Variants in C1orf185 observed in about 807,000 individuals in gnomAD.
C1orf185 encodes chromosome 1 open reading frame 185.
In C1orf185, 13 loss-of-function variants were observed where a neutral mutation model predicts 16.1. The ratio of observed to expected loss-of-function variants is 0.81; its 90% CI spans 0.53 to 1.28. The LOEUF (loss-of-function observed/expected upper bound fraction) is 1.28. Among genes scored for constraint, C1orf185 ranks in the 50% most tolerant of loss-of-function variants. The pLI is 0.00. For synonymous variants in C1orf185, 80 were observed against 76.9 expected (o/e 1.04, Z -0.21); for missense variants, 220 against 225.2 (o/e 0.98, Z 0.15).
intron 1 of C1orf185, among the ~76,000 whole-genome samples, chr1:51,106,782 A>G (rs111517573): frequency 0.036 from 5,289 of 148,308 alleles, 150 homozygotes; most frequent in African/African-American, 0.072. Flanking sequence ...TTTTTGAGAC[A>G]GAGTCTTGCT....
intron 3 of C1orf185, 63 bp from the exon 4 acceptor site, chr1:51,145,661 T>A: frequency 1.1e-6 from 1 of 921,094 alleles, no homozygotes; most frequent in Non-Finnish European, 1.6e-6. Context: ...ATATAAAATA[T>A]ATGAAAGAAG....
At chr1:51,133,903 G>A (rs1458402437) in intron 3 of C1orf185, among the ~76,000 whole-genome samples, 1 of 152,162 alleles carries the variant, frequency 6.6e-6, no homozygotes, top group Non-Finnish European at 1.5e-5. Flanking sequence ...CCAACAGGGT[G>A]AAACCCTGTC....
intron 3 of C1orf185, among the ~76,000 whole-genome samples, chr1:51,140,066 T>C (rs982446940): frequency 2.6e-5 from 4 of 152,220 alleles, no homozygotes; most frequent in Admixed American, 6.5e-5. Flanking sequence ...AAAAAAAGTA[T>C]AATTAGCTCA....
intron 1 of C1orf185, among the ~76,000 whole-genome samples, chr1:51,106,087 G>A (rs912194700): frequency 1.3e-5 from 2 of 152,112 alleles, no homozygotes; most frequent in African/African-American, 4.8e-5. Context: ...AGGAAAGGTA[G>A]GAGGGCAGAG....
intron 1 of C1orf185, among the ~76,000 whole-genome samples, chr1:51,108,208 G>C (rs1179746147): frequency 2.0e-5 from 3 of 151,926 alleles, no homozygotes; most frequent in Admixed American, 1.3e-4. Context: ...TCTCATTGTG[G>C]TTTAATTTTC....
chr1:51,136,859 A>G (rs190936745), intron 3 of C1orf185, among the ~76,000 whole-genome samples: 222 of 152,374 alleles, frequency 1.5e-3, no homozygotes, highest in Admixed American at 4.4e-3. Flanking sequence ...CAAAGATTTC[A>G]TGATGAAGAC....
chr1:51,144,182 C>CT (rs1646384226), intron 3 of C1orf185, among the ~76,000 whole-genome samples: 1 of 152,120 alleles, frequency 6.6e-6, no homozygotes, highest in Non-Finnish European at 1.5e-5. Context: ...TCAACATTAC[C>CT]TAGGCGAGCC....
intron 2 of C1orf185, among the ~76,000 whole-genome samples, chr1:51,115,896 T>C (rs900431065): frequency 2.6e-4 from 40 of 152,120 alleles, no homozygotes; most frequent in Non-Finnish European, 1.9e-4. Context: ...TGTTGACAGA[T>C]TGGATGAAAA....
chr1:51,123,740 C>A (rs1032318970), intron 3 of C1orf185, among the ~76,000 whole-genome samples: 1 of 152,062 alleles, frequency 6.6e-6, no homozygotes, highest in Non-Finnish European at 1.5e-5. Context: ...TTTTAATTTG[C>A]AATTCCCTAG....
chr1:51,142,679 A>G (rs1295328316), intron 3 of C1orf185, among the ~76,000 whole-genome samples: 2 of 152,200 alleles, frequency 1.3e-5, no homozygotes, highest in Non-Finnish European at 2.9e-5. Context: ...TTATTAGTAT[A>G]AAGTTGTTCA....
At chr1:51,109,748 T>A (rs1023382454) in intron 1 of C1orf185, among the ~76,000 whole-genome samples, 1 of 152,176 alleles carries the variant, frequency 6.6e-6, no homozygotes, top group Non-Finnish European at 1.5e-5. Context: ...CACTGGCCTA[T>A]GTTTCTGTTT....
chr1:51,126,723 T>C (rs1026593216), intron 3 of C1orf185, among the ~76,000 whole-genome samples: 1 of 152,246 alleles, frequency 6.6e-6, no homozygotes, highest in Non-Finnish European at 1.5e-5. Flanking sequence ...TAAGTTACCA[T>C]AGTATATTTG....
intron 2 of C1orf185, among the ~76,000 whole-genome samples, chr1:51,116,070 C>T (rs930120662): frequency 6.6e-6 from 1 of 152,090 alleles, no homozygotes; most frequent in Non-Finnish European, 1.5e-5. Flanking sequence ...CCTTGAATCT[C>T]CCCACTCCCA....
intron 3 of C1orf185, among the ~76,000 whole-genome samples, chr1:51,123,534 G>A (rs150871845): frequency 9.9e-4 from 150 of 152,244 alleles, no homozygotes; most frequent in African/African-American, 3.2e-3. Context: ...GAATACCAGC[G>A]AACACAATTA....
At chr1:51,136,479 A>G (rs1469085267) in intron 3 of C1orf185, among the ~76,000 whole-genome samples, 1 of 152,080 alleles carries the variant, frequency 6.6e-6, no homozygotes, top group South Asian at 2.1e-4. Flanking sequence ...GCGGCATCAC[A>G]CTGCTGCACT....
At chr1:51,126,947 C>T (rs1646244498) in intron 3 of C1orf185, among the ~76,000 whole-genome samples, 1 of 151,794 alleles carries the variant, frequency 6.6e-6, no homozygotes, top group Admixed American at 6.6e-5. Flanking sequence ...GAGTGCTGGT[C>T]ATGTTTGTAA....
chr1:51,128,398 T>C (rs1646257967), intron 3 of C1orf185, among the ~76,000 whole-genome samples: 1 of 123,082 alleles, frequency 8.1e-6, no homozygotes, highest in Non-Finnish European at 1.6e-5. Flanking sequence ...TTAGCTATTT[T>C]AGTGGGTGTA....
At chr1:51,117,626 T>C (rs566885677) in intron 2 of C1orf185, among the ~76,000 whole-genome samples, 4 of 152,264 alleles carry the variant, frequency 2.6e-5, no homozygotes, top group Non-Finnish European at 5.9e-5. Context: ...GCTTTTAAGA[T>C]TGACCTCTTT....
At position 51,147,973 on chromosome 1, in the gene C1orf185, T is replaced by A; in HGVS notation, c.*202T>A. The A allele has an allele frequency of 2.2e-6, 1 of 456,200 alleles. No homozygotes were observed. Among genetic ancestry groups the A allele is most frequent in the Non-Finnish European group, 3.8e-6 (1 of 264,014 alleles). The allele number at this position is 456,200 out of a possible 1,614,324, so 28.3% of individuals were successfully genotyped here. A position where few individuals can be genotyped will look rare whatever the true frequency, so the allele number is the denominator to read the frequency against. On this transcript the variant is annotated 3_prime_UTR_variant, in exon 5 of 5. Transcript: ENST00000371759. ...GAGCGGCTCTACTTCCCTTGCTGGT[T>A]CTTATTTCTAGAAACAAAATTAGGA... is the stretch of plus-strand genomic sequence containing the variant.
Sources: allele counts gnomAD v4.1 joint callset (sites outside exome capture counted in the v4.1 genomes callset), GRCh38; gene constraint gnomAD v4.1.1; transcripts MANE v1.5; gene names NCBI Gene and HGNC (gene_info 2026-07-23, HGNC 2026-07-21).